Variants in FBXL20 observed in about 807,000 individuals in gnomAD.
FBXL20 encodes F-box/LRR-repeat protein 20.
FBXL20 carries 11 observed loss-of-function variants against 64.0 expected under a neutral mutation model. That is an observed-to-expected ratio of 0.17 (90% CI 0.11 to 0.28). FBXL20 has a LOEUF of 0.28. FBXL20 is among the 10% of genes least tolerant of loss of function. FBXL20 has a pLI of 1.00. For synonymous variants in FBXL20, 184 were observed against 189.0 expected, an observed-to-expected ratio of 0.97 and a Z score of 0.22; for missense variants, 303 against 526.2, an observed-to-expected ratio of 0.58 and a Z score of 4.15.
At chr17:39,362,158 T>C (rs2047801864) in intron 1 of FBXL20, among the ~76,000 whole-genome samples, 1 of 151,656 alleles carries the variant, frequency 6.6e-6, no homozygotes, top group Admixed American at 6.6e-5. Context: ...CCAGGAATGG[T>C]GGCGGGCGCC....
At position 39,337,159 on chromosome 17, in the gene FBXL20, T is replaced by C. The variant is rs561195991; in HGVS notation, c.104+6021A>G. ...CGCCGCCACGCCTGACTGGTTTTCG[T>C]ATTTTTCTGGTGGAGACGGGGTTTC... is the stretch of plus-strand genomic sequence containing the variant. On this transcript the variant is annotated intron_variant, in intron 2 of 14. Coordinates refer to ENST00000264658, the MANE Select transcript of FBXL20 (RefSeq NM_032875.3). Among the ~76,000 whole-genome samples, 167 of 152,290 alleles carry C rather than the reference T, an allele frequency of 1.1e-3. 1 individual carries two copies. The highest frequency in any genetic ancestry group is 3.9e-3 in the African/African-American group (163 of 41,570).
intron 1 of FBXL20, among the ~76,000 whole-genome samples, chr17:39,371,854 G>A (rs181910572): frequency 9.3e-4 from 141 of 152,052 alleles, no homozygotes; most frequent in African/African-American, 3.1e-3. Context: ...TAAGGCTGAC[G>A]GTAGCTGTCC....
intron 2 of FBXL20, among the ~76,000 whole-genome samples, chr17:39,329,557 A>G (rs767197937): frequency 2.6e-5 from 4 of 152,170 alleles, no homozygotes; most frequent in African/African-American, 4.8e-5. Context: ...CTTCACTTTG[A>G]TTACTGTACT....
At position 39,343,172 on chromosome 17, in the gene FBXL20, A is replaced by T; in HGVS notation, c.104+8T>A. On this transcript the variant is annotated splice_region_variant and intron_variant, in intron 2 of 14. Coordinates refer to ENST00000264658, the MANE Select transcript of FBXL20 (RefSeq NM_032875.3). ...AAAAAAACCCATAAAATTAGCATTC[A>T]GACTTACCGTAACAGGAGTTCTTTG... 1.3e-6 allele frequency: 2 copies of T among 1,590,778 alleles called. No individual in the cohort carries two copies. The highest frequency in any genetic ancestry group is 2.3e-5 in the South Asian group (2 of 86,090).
At chr17:39,396,864 G>C (rs765991353) in intron 1 of FBXL20, among the ~76,000 whole-genome samples, 36 of 151,706 alleles carry the variant, frequency 2.4e-4, no homozygotes, top group Non-Finnish European at 4.4e-4. Context: ...GGCTGCGGCA[G>C]GAGAATGGCG....
chr17:39,333,346 C>T (rs1363180511), intron 2 of FBXL20, among the ~76,000 whole-genome samples: 1 of 152,166 alleles, frequency 6.6e-6, no homozygotes, highest in African/African-American at 2.4e-5. Context: ...GGGGTTTCCC[C>T]GTGTTGGCCG....
chr17:39,277,945 T>C (rs141148889), intron 9 of FBXL20, among the ~76,000 whole-genome samples: 145 of 152,108 alleles, frequency 9.5e-4, no homozygotes, highest in African/African-American at 3.3e-3. Flanking sequence ...AAGATTTGGG[T>C]GAAGGAAAAC....
chr17:39,338,058 C>T (rs1264982464), intron 2 of FBXL20, among the ~76,000 whole-genome samples: 1 of 152,122 alleles, frequency 6.6e-6, no homozygotes, highest in Non-Finnish European at 1.5e-5. Context: ...TCATTGAGAA[C>T]GGGCCATGAT....
chr17:39,267,969 CTTCT>C (rs981803403), intron 12 of FBXL20, among the ~76,000 whole-genome samples: 12 of 152,144 alleles, frequency 7.9e-5, no homozygotes, highest in African/African-American at 2.7e-4. Flanking sequence ...CATATCTCGC[CTTCT>C]TTATTTTTAC....
chr17:39,329,596 T>C (rs1337648019), intron 2 of FBXL20, among the ~76,000 whole-genome samples: 2 of 152,170 alleles, frequency 1.3e-5, no homozygotes, highest in Non-Finnish European at 2.9e-5. Context: ...CTATCTATCT[T>C]AGATATATAT....
chr17:39,281,921 GA>G (rs1296892537), intron 8 of FBXL20, among the ~76,000 whole-genome samples: 1 of 152,150 alleles, frequency 6.6e-6, no homozygotes, highest in Non-Finnish European at 1.5e-5. Flanking sequence ...ACAGTGCTGA[GA>G]ACAGATGGTA....
chr17:39,334,635 ATTCT>A (rs1178474520), intron 2 of FBXL20, among the ~76,000 whole-genome samples: 1 of 152,214 alleles, frequency 6.6e-6, no homozygotes, highest in Non-Finnish European at 1.5e-5. Context: ...AAAATTTCAT[ATTCT>A]TTTTTACCTG....
At chr17:39,280,796 A>T (rs2046943951) in intron 9 of FBXL20, among the ~76,000 whole-genome samples, 1 of 152,052 alleles carries the variant, frequency 6.6e-6, no homozygotes. Flanking sequence ...ACAAGGTCTC[A>T]CTCTGTTGCC....
chr17:39,401,355 TCA>T lies in FBXL20; in HGVS notation c.42+4_42+5del, dbSNP rs1367963451. On this transcript the variant is annotated splice_donor_5th_base_variant and intron_variant, in intron 1 of 14. Transcript: ENST00000264658. Reference sequence around the variant, plus strand: ...CTCACGCCGCCCGAGCCCCCCAAGCTCACACCTCAAACCTGCTCTTGGTCACT... The same window carrying T: ...CTCACGCCGCCCGAGCCCCCCAAGCTCACCTCAAACCTGCTCTTGGTCACT... 1.9e-6 allele frequency: 3 copies of T among 1,612,834 alleles called. No homozygotes were observed. The African/African-American group carries it at 4.0e-5, about 22-fold the overall frequency.
intron 12 of FBXL20, among the ~76,000 whole-genome samples, chr17:39,267,814 A>C (rs1175684968): frequency 6.6e-6 from 1 of 152,208 alleles, no homozygotes; most frequent in Non-Finnish European, 1.5e-5. Flanking sequence ...AGAAGGAATA[A>C]CACTGGAAGG....
At chr17:39,341,677 T>C (rs1245631769) in intron 2 of FBXL20, among the ~76,000 whole-genome samples, 4 of 152,218 alleles carry the variant, frequency 2.6e-5, no homozygotes, top group Non-Finnish European at 5.9e-5. Flanking sequence ...CTTCAGGCAA[T>C]GGAATCTAAG....
chr17:39,396,623 C>T (rs1394745075), intron 1 of FBXL20, among the ~76,000 whole-genome samples: 1 of 148,732 alleles, frequency 6.7e-6, no homozygotes, highest in Admixed American at 6.8e-5. Flanking sequence ...AAAGAAATGA[C>T]CAAAGTTACA....
chr17:39,310,857 C>T (rs1014777248), intron 2 of FBXL20, among the ~76,000 whole-genome samples: 8 of 151,914 alleles, frequency 5.3e-5, no homozygotes, highest in African/African-American at 7.3e-5. Flanking sequence ...TGGTGGCACA[C>T]GCCTGTAATC....
intron 1 of FBXL20, among the ~76,000 whole-genome samples, chr17:39,349,675 G>T (rs1480127003): frequency 1.3e-5 from 2 of 152,032 alleles, no homozygotes; most frequent in Admixed American, 1.3e-4. Context: ...AGTGGCTCAC[G>T]CCTGTAATCC....
Sources: allele counts gnomAD v4.1 joint callset (sites outside exome capture counted in the v4.1 genomes callset), GRCh38; gene constraint gnomAD v4.1.1; transcripts MANE v1.5; gene names NCBI Gene and HGNC (gene_info 2026-07-23, HGNC 2026-07-21).